Variants in KLHL29 observed in about 807,000 individuals in gnomAD.
KLHL29 encodes kelch like family member 29, also known as kelch-like protein 29.
KLHL29 carries 21 observed loss-of-function variants against 80.4 expected under a neutral mutation model. That is an observed-to-expected ratio of 0.26 (90% CI 0.19 to 0.38). The LOEUF is 0.38. Among genes scored for constraint, KLHL29 ranks in the 10% least tolerant of loss-of-function variants. The pLI is 1.00. For synonymous variants in KLHL29, 511 were observed against 526.8 expected, an observed-to-expected ratio of 0.97 and a Z score of 0.41; for missense variants, 867 against 1,223.9, an observed-to-expected ratio of 0.71 and a Z score of 4.35.
chr2:23,516,195 A>C (rs112561171), intron 2 of KLHL29, among the ~76,000 whole-genome samples: 1,854 of 152,054 alleles, frequency 0.012, 42 homozygotes, highest in African/African-American at 0.042. Flanking sequence ...TGAGGAGAGA[A>C]GCTAAGGCAG....
intron 1 of KLHL29, among the ~76,000 whole-genome samples, chr2:23,425,270 A>G (rs1662976192): frequency 1.3e-5 from 2 of 152,188 alleles, no homozygotes; most frequent in African/African-American, 4.8e-5. Context: ...CTGTGAAAGG[A>G]GTTCATTAGT....
intron 7 of KLHL29, among the ~76,000 whole-genome samples, chr2:23,692,327 G>T (rs1317090162): frequency 6.6e-6 from 1 of 152,236 alleles, no homozygotes. Flanking sequence ...TGTCCCTTGA[G>T]TACCCAGATC....
At chr2:23,577,344 G>A (rs1022391645) in intron 3 of KLHL29, among the ~76,000 whole-genome samples, 2 of 151,994 alleles carry the variant, frequency 1.3e-5, no homozygotes, top group African/African-American at 4.8e-5. Context: ...TCAGCTGCTC[G>A]GGATGCTGAG....
intron 2 of KLHL29, among the ~76,000 whole-genome samples, chr2:23,505,740 G>C (rs903356789): frequency 1.3e-5 from 2 of 152,242 alleles, no homozygotes; most frequent in Non-Finnish European, 2.9e-5. Context: ...GAAGGAACAT[G>C]CTCAAAAGGC....
intron 3 of KLHL29, among the ~76,000 whole-genome samples, chr2:23,628,841 C>G (rs113588137): frequency 1.3e-3 from 203 of 150,502 alleles, no homozygotes; most frequent in African/African-American, 4.8e-3. Flanking sequence ...CAGAAATGGG[C>G]GTTGTGTGAT....
intron 2 of KLHL29, among the ~76,000 whole-genome samples, chr2:23,485,900 G>A (rs1023026556): frequency 6.6e-6 from 1 of 152,248 alleles, no homozygotes; most frequent in Non-Finnish European, 1.5e-5. Flanking sequence ...TAGTGCGTAA[G>A]ACATGTACAA....
At position 23,430,717 on chromosome 2, in the gene KLHL29, C is replaced by G. The variant is rs1219654673; in HGVS notation, c.-153-44843C>G. 2.0e-5 allele frequency among the ~76,000 whole-genome samples: 3 copies of G among 152,348 alleles called. No homozygotes were observed. The South Asian group carries it at 6.2e-4, about 32-fold the overall frequency. Reference sequence around the variant, plus strand: ...ACAGGATCTCTTCCTTGCTGCGCCCCTGATGCCTGTGCTACTGTGGTCAGT... The same window carrying G: ...ACAGGATCTCTTCCTTGCTGCGCCCGTGATGCCTGTGCTACTGTGGTCAGT... On this transcript the variant is annotated intron_variant, in intron 1 of 13. Coordinates refer to ENST00000486442, the MANE Select transcript of KLHL29 (RefSeq NM_052920.2).
At chr2:23,598,437 G>A (rs758804194) in intron 3 of KLHL29, among the ~76,000 whole-genome samples, 5 of 152,004 alleles carry the variant, frequency 3.3e-5, no homozygotes, top group Non-Finnish European at 5.9e-5. Flanking sequence ...CTGCATGTGC[G>A]CACACTCACA....
At chr2:23,601,767 CACTG>C (rs1668577856) in intron 3 of KLHL29, among the ~76,000 whole-genome samples, 1 of 152,198 alleles carries the variant, frequency 6.6e-6, no homozygotes, top group South Asian at 2.1e-4. Flanking sequence ...TAGCCCACCA[CACTG>C]ACTGACATGA....
At chr2:23,637,306 G>T (rs7422570) in intron 3 of KLHL29, among the ~76,000 whole-genome samples, 2 of 152,082 alleles carry the variant, frequency 1.3e-5, no homozygotes, top group African/African-American at 4.8e-5. Context: ...CAGGGCACTC[G>T]TTAAAAGCTG....
rs140894442 is a variant in KLHL29 at position 23,457,173 on chromosome 2, C to G, written c.-153-18387C>G. On this transcript the variant is annotated intron_variant, in intron 1 of 13. Transcript: ENST00000486442. This position sits in a 1 kb window ranked among gnomAD's most constrained non-coding sequence, Gnocchi z 4.3. ...GGAACAGGAGGAGGTTAAAGCAATC[C>G]GTGCCCTGAGTGAGCGCAGGGTGCA... Among the ~76,000 whole-genome samples, 1 of 152,202 alleles carries G rather than the reference C, an allele frequency of 6.6e-6. No individual in the cohort carries two copies. Among genetic ancestry groups the G allele is most frequent in the Admixed American group, 6.5e-5 (1 of 15,280 alleles).
intron 3 of KLHL29, among the ~76,000 whole-genome samples, chr2:23,624,823 G>A (rs1007280165): frequency 4.6e-5 from 7 of 152,200 alleles, no homozygotes; most frequent in African/African-American, 1.7e-4. Context: ...CATTTGCTGA[G>A]CCCCTGCCTT....
intron 3 of KLHL29, among the ~76,000 whole-genome samples, chr2:23,619,458 G>C (rs1335775452): frequency 6.6e-6 from 1 of 152,152 alleles, no homozygotes; most frequent in Non-Finnish European, 1.5e-5. Context: ...CCTTAGCTGT[G>C]ACTCCTTTTG....
chr2:23,517,414 G>C (rs1038269193), intron 2 of KLHL29, among the ~76,000 whole-genome samples: 2 of 152,134 alleles, frequency 1.3e-5, no homozygotes, highest in Admixed American at 6.5e-5. Flanking sequence ...CTGGTGGCAC[G>C]CACCTGTAGT....
At chr2:23,402,440 G>A (rs1047786652) in intron 1 of KLHL29, among the ~76,000 whole-genome samples, 5 of 152,240 alleles carry the variant, frequency 3.3e-5, no homozygotes, top group African/African-American at 4.8e-5. Context: ...AACCTAGTGT[G>A]TGCTTATCTA....
In KLHL29 at chr2:23,438,176, G is replaced by T. The variant is rs1408486706; in HGVS notation, c.-153-37384G>T. Among the ~76,000 whole-genome samples, 6 of 150,922 alleles carry T rather than the reference G, an allele frequency of 4.0e-5. No individual in the cohort carries two copies. The South Asian group carries it at 8.5e-4, about 21-fold the overall frequency. On this transcript the variant is annotated intron_variant, in intron 1 of 13. Transcript: ENST00000486442. ...CATTGATTTTGTATCCTGAGACTTT[G>T]CTGAAGTTGCTTATCAGCTTAAGGA... is the stretch of plus-strand genomic sequence containing the variant.
intron 3 of KLHL29, among the ~76,000 whole-genome samples, chr2:23,605,780 T>G (rs1029350627): frequency 6.6e-6 from 1 of 152,008 alleles, no homozygotes; most frequent in Admixed American, 6.5e-5. Context: ...ACCGTTTTTT[T>G]TTTTTTTGAG....
intron 5 of KLHL29, among the ~76,000 whole-genome samples, chr2:23,677,689 C>G (rs1417959684): frequency 6.6e-6 from 1 of 152,320 alleles, no homozygotes; most frequent in African/African-American, 2.4e-5. Flanking sequence ...TTGGGAGGCG[C>G]GTGGAGCAGC....
intron 1 of KLHL29, among the ~76,000 whole-genome samples, chr2:23,412,224 C>T (rs1666883154): frequency 1.3e-5 from 2 of 151,140 alleles, no homozygotes; most frequent in South Asian, 4.2e-4. Context: ...GTGGGCTTGT[C>T]GAGTGGCCAG....
Sources: allele counts gnomAD v4.1 joint callset (sites outside exome capture counted in the v4.1 genomes callset), GRCh38; gene constraint gnomAD v4.1.1; non-coding constraint Gnocchi (gnomAD v3.1); transcripts MANE v1.5; gene names NCBI Gene and HGNC (gene_info 2026-07-23, HGNC 2026-07-21).